The following PLA2G2C variants were observed in gnomAD, a reference collection of about 807,000 sequenced individuals.
PLA2G2C encodes phospholipase A2 group IIC, also known as putative inactive group IIC secretory phospholipase A2.
Under a neutral mutation model 14.3 loss-of-function variants are expected in PLA2G2C, and 15 were observed. That is an observed-to-expected ratio of 1.05 (90% CI 0.70 to 1.62). The LOEUF is 1.62. PLA2G2C is among the 40% of genes most tolerant of loss of function. The probability of loss-of-function intolerance (pLI) is 0.00; values close to 1 mark genes in which losing one functional copy is unlikely to be tolerated. For missense variants in PLA2G2C, 162 were observed against 173.2 expected (o/e 0.94, Z 0.36); for synonymous variants, 79 against 67.7 (o/e 1.17, Z -0.82).
chr1:20,181,012 C>T (rs1336799988), intron 1 of PLA2G2C, among the ~76,000 whole-genome samples: 3 of 152,208 alleles, frequency 2.0e-5, no homozygotes, highest in African/African-American at 7.2e-5. Flanking sequence ...CCTCTTTATC[C>T]CTAGTGCCTT....
At chr1:20,174,905 CT>C in intron 3 of PLA2G2C, 101 bp downstream of exon 3, 1 of 1,211,808 alleles carries the variant, frequency 8.3e-7, no homozygotes. Flanking sequence ...GAGTTGTTTT[CT>C]GTTATTTGCC....
At chr1:20,180,827 C>T (rs999649005) in intron 1 of PLA2G2C, among the ~76,000 whole-genome samples, 5 of 152,238 alleles carry the variant, frequency 3.3e-5, no homozygotes, top group African/African-American at 1.2e-4. Context: ...CCTAGGGCAG[C>T]AGCCAGTAAG....
At chr1:20,169,233 C>G (rs1362199581) in intron 4 of PLA2G2C, among the ~76,000 whole-genome samples, 1 of 152,146 alleles carries the variant, frequency 6.6e-6, no homozygotes, top group Non-Finnish European at 1.5e-5. Flanking sequence ...GGCTGGAGTG[C>G]AGTGGTGCAA....
rs755971105 is a variant in PLA2G2C, at chr1:20,164,030, G to A, written c.411C>T (p.Ser137=). ...TATGTCTGCCACACCTGGGCTGGCT[G>A]GAGAACTGCTTGAAGTTTTTCTCAT... The part of the protein sequence containing the change: ...PTYEKNFKQF[S]SQPRCGRHKP... The change falls in exon 5 of 5, where the codon TCC becomes TCT. Residue 137 remains serine (S), a synonymous_variant. Transcript: ENST00000679259. 6.2e-7 allele frequency: 1 copy of A among 1,613,490 alleles called. No homozygotes were observed. Among genetic ancestry groups the A allele is most frequent in the Non-Finnish European group, 8.5e-7 (1 of 1,179,708 alleles).
chr1:20,165,403 C>T (rs975887403), intron 4 of PLA2G2C, among the ~76,000 whole-genome samples: 2 of 152,194 alleles, frequency 1.3e-5, no homozygotes, highest in Non-Finnish European at 2.9e-5. Context: ...TATTGGTTTC[C>T]TGGCTTGTGT....
chr1:20,183,187 C>T (rs1281281224), intron 1 of PLA2G2C, among the ~76,000 whole-genome samples: 1 of 152,182 alleles, frequency 6.6e-6, no homozygotes, highest in South Asian at 2.1e-4. Context: ...ATTTCAGCCG[C>T]ACAACAATCC....
intron 4 of PLA2G2C, among the ~76,000 whole-genome samples, chr1:20,167,182 T>C (rs1569924180): frequency 6.6e-6 from 1 of 152,114 alleles, no homozygotes; most frequent in Admixed American, 6.5e-5. Flanking sequence ...CTCTGAGGGG[T>C]GTTCTTGGTC....
chr1:20,171,395 C>A (rs953416400), intron 4 of PLA2G2C, among the ~76,000 whole-genome samples: 1 of 152,180 alleles, frequency 6.6e-6, no homozygotes, highest in Admixed American at 6.5e-5. Context: ...GCAGGGCAGG[C>A]CAAGAGCTGA....
intron 4 of PLA2G2C, among the ~76,000 whole-genome samples, chr1:20,165,799 G>C (rs1456311650): frequency 1.3e-5 from 2 of 152,096 alleles, no homozygotes; most frequent in Non-Finnish European, 2.9e-5. Flanking sequence ...TGCGTGCATT[G>C]TGTGTTTGTG....
At chr1:20,186,068 A>C (rs1351793318) in intron 1 of PLA2G2C, 2 of 100,462 alleles carry the variant, frequency 2.0e-5, no homozygotes, top group East Asian at 3.4e-4. Context: ...GTGGCCCCCC[A>C]CCCTGCGGCG....
At chr1:20,164,411 T>TGTGTGTGTGCGTGTGC (rs1480532390) in intron 4 of PLA2G2C, among the ~76,000 whole-genome samples, 1 of 152,040 alleles carries the variant, frequency 6.6e-6, no homozygotes, top group Non-Finnish European at 1.5e-5. Context: ...TGCCTGTGTA[T>TGTGTGTGTGCGTGTGC]GTGTGTGTGC....
At chr1:20,166,511 A>T (rs2017982495) in intron 4 of PLA2G2C, among the ~76,000 whole-genome samples, 1 of 152,110 alleles carries the variant, frequency 6.6e-6, no homozygotes, top group Admixed American at 6.5e-5. Flanking sequence ...GGGCTACTTG[A>T]GCTCAGGCCC....
intron 1 of PLA2G2C, among the ~76,000 whole-genome samples, chr1:20,183,919 A>G (rs962811738): frequency 1.3e-5 from 2 of 152,190 alleles, no homozygotes; most frequent in Admixed American, 6.5e-5. Context: ...GCCCATGTTT[A>G]CTGAGATCCA....
At chr1:20,167,014 G>A (rs2017990466) in intron 4 of PLA2G2C, among the ~76,000 whole-genome samples, 1 of 152,212 alleles carries the variant, frequency 6.6e-6, no homozygotes, top group African/African-American at 2.4e-5. Flanking sequence ...TGGAGAAACT[G>A]AGGCATGAAG....
At chr1:20,169,193 T>G (rs1414284909) in intron 4 of PLA2G2C, among the ~76,000 whole-genome samples, 1 of 152,222 alleles carries the variant, frequency 6.6e-6, no homozygotes, top group African/African-American at 2.4e-5. Context: ...TGCTTTTCTT[T>G]TTTGAGGTAG....
chr1:20,177,398 C>T lies in PLA2G2C; in HGVS notation c.-35G>A, dbSNP rs1030774612. 5.9e-6 allele frequency: 4 copies of T among 673,936 alleles called. No homozygotes were observed. Among genetic ancestry groups the T allele is most frequent in the Non-Finnish European group, 8.1e-6 (3 of 372,382 alleles). 41.7% of individuals were successfully genotyped at this position (673,936 alleles called of 1,614,324 possible). ...GACCAGGGGGTCTGAGGTTCTACAGCCACGCCTTCACCTGTGTGTGAGGGG... is the reference window on the plus strand; with the variant it reads ...GACCAGGGGGTCTGAGGTTCTACAGTCACGCCTTCACCTGTGTGTGAGGGG... On this transcript the variant is annotated 5_prime_UTR_variant, in exon 2 of 5. Coordinates refer to ENST00000679259, the MANE Select transcript of PLA2G2C (RefSeq NM_001367969.2).
intron 4 of PLA2G2C, among the ~76,000 whole-genome samples, chr1:20,170,726 T>C (rs1273881696): frequency 7.0e-6 from 1 of 143,718 alleles, no homozygotes; most frequent in Non-Finnish European, 1.5e-5. Flanking sequence ...CTGGTACTGA[T>C]GCGGAAGCCT....
At chr1:20,174,268 A>G (rs1027374389) in intron 3 of PLA2G2C, among the ~76,000 whole-genome samples, 2 of 152,184 alleles carry the variant, frequency 1.3e-5, no homozygotes, top group Non-Finnish European at 2.9e-5. Context: ...TGTGGCAAGG[A>G]ACATTTTGCT....
At chr1:20,164,317 T>C (rs1210001868) in intron 4 of PLA2G2C, among the ~76,000 whole-genome samples, 160 bp from the exon 5 acceptor site, 2 of 152,184 alleles carry the variant, frequency 1.3e-5, no homozygotes, top group African/African-American at 4.8e-5. Context: ...TGCATGTGTG[T>C]GTGTGCATAT....
Sources: allele counts gnomAD v4.1 joint callset (sites outside exome capture counted in the v4.1 genomes callset), GRCh38; gene constraint gnomAD v4.1.1; transcripts MANE v1.5; gene names NCBI Gene and HGNC (gene_info 2026-07-23, HGNC 2026-07-21).